Variants in GRM7 observed in about 807,000 individuals in gnomAD.
The protein encoded by GRM7 is metabotropic glutamate receptor 7.
GRM7 carries 35 observed loss-of-function variants against 84.5 expected under a neutral mutation model. That is an observed-to-expected ratio of 0.41 (90% CI 0.32 to 0.55). GRM7 has a LOEUF of 0.55. Among genes scored for constraint, GRM7 ranks in the 20% least tolerant of loss-of-function variants. The pLI is 0.19. For synonymous variants in GRM7, 487 were observed against 455.1 expected (o/e 1.07, Z -0.89); for missense variants, 1,003 against 1,194.6 (o/e 0.84, Z 2.36).
At chr3:7,566,801 G>A (rs570025704) in intron 7 of GRM7, among the ~76,000 whole-genome samples, 14 of 152,128 alleles carry the variant, frequency 9.2e-5, no homozygotes, top group Admixed American at 4.6e-4. Context: ...TTCTTCCAGG[G>A]GGAAAAAAAA....
chr3:7,440,050 C>G lies in GRM7; in HGVS notation c.1175-12557C>G, dbSNP rs35398044. ...CAGAGAGCACAAAGTATTTGGAAAG[C>G]TGGAGGGAGCTGGTTGTTAAACAAT... is the stretch of plus-strand genomic sequence containing the variant. On this transcript the variant is annotated intron_variant, in intron 5 of 9. Transcript: ENST00000357716. Among the ~76,000 whole-genome samples, 5 of 152,078 alleles carry G rather than the reference C, an allele frequency of 3.3e-5. No individual in the cohort carries two copies. The East Asian group carries it at 9.7e-4, about 29-fold the overall frequency.
intron 2 of GRM7, among the ~76,000 whole-genome samples, chr3:7,205,729 G>C (rs1194181902): frequency 6.6e-6 from 1 of 152,168 alleles, no homozygotes; most frequent in Non-Finnish European, 1.5e-5. Flanking sequence ...ACACCCAGAC[G>C]TGAATGCAGA....
chr3:7,492,031 G>C (rs974781227), intron 7 of GRM7, among the ~76,000 whole-genome samples: 1 of 152,118 alleles, frequency 6.6e-6, no homozygotes, highest in Non-Finnish European at 1.5e-5. Context: ...TTTTAATGCT[G>C]AACCAGCCTT....
intron 5 of GRM7, among the ~76,000 whole-genome samples, chr3:7,428,350 C>T (rs1406586982): frequency 2.0e-5 from 3 of 152,198 alleles, no homozygotes; most frequent in African/African-American, 7.2e-5. Context: ...GAGTGCCTAA[C>T]TGTGGCTCAA....
At chr3:7,704,335 TAA>T (rs968178578) in intron 9 of GRM7, among the ~76,000 whole-genome samples, 1 of 152,186 alleles carries the variant, frequency 6.6e-6, no homozygotes, top group Non-Finnish European at 1.5e-5. Context: ...AAAAGAGTTA[TAA>T]AAAAATTCCT....
rs781371497 is a variant in GRM7, at chr3:7,452,736, G to A, written c.1304G>A (p.Gly435Asp). 1 of 1,613,086 alleles carries A rather than the reference G, an allele frequency of 6.2e-7. No homozygotes were observed. The highest frequency in any genetic ancestry group is 1.1e-5 in the South Asian group (1 of 91,056). The change falls in exon 6 of 10, where the codon GGT (glycine) becomes GAT (aspartate). Residue 435 changes from glycine to aspartate, a missense_variant. Transcript: ENST00000357716. ...AAGGATCTCTGTGCTGACTACCGGG[G>A]TGTCTGCCCAGAGATGGAGCAAGCT... ...MNKDLCADYR[G>D]VCPEMEQAGG... is the part of the protein sequence containing the mutation.
At chr3:7,415,896 T>A (rs999290381) in intron 5 of GRM7, among the ~76,000 whole-genome samples, 2 of 152,156 alleles carry the variant, frequency 1.3e-5, no homozygotes, top group South Asian at 4.1e-4. Flanking sequence ...CTGTAATCCA[T>A]GTTCTGAGTG....
At chr3:7,584,878 A>G (rs1462014478) in intron 8 of GRM7, among the ~76,000 whole-genome samples, 1 of 152,180 alleles carries the variant, frequency 6.6e-6, no homozygotes, top group African/African-American at 2.4e-5. Flanking sequence ...AACATTGCCG[A>G]CTATTTAATC....
At chr3:7,295,044 A>G (rs558327296) in intron 2 of GRM7, among the ~76,000 whole-genome samples, 1 of 152,226 alleles carries the variant, frequency 6.6e-6, no homozygotes, top group South Asian at 2.1e-4. Context: ...TTCTTTATAG[A>G]TTGTACTTTG....
At chr3:6,912,608 GT>G (rs2125019325) in intron 1 of GRM7, among the ~76,000 whole-genome samples, 1 of 152,218 alleles carries the variant, frequency 6.6e-6, no homozygotes, top group East Asian at 1.9e-4. Flanking sequence ...ATGCTTTTCT[GT>G]TAGGAAGCTT....
Position 7,642,324 on chromosome 3 carries a change from A to C in GRM7, c.2452-37725A>C, listed in dbSNP as rs1280309779. On this transcript the variant is annotated intron_variant, in intron 8 of 9. Transcript: ENST00000357716. ...GTATTTGCCTTTTATTTTCCTAAGA[A>C]TCTCAAAAAAAAAGTGGTAGAGGGA... Among the ~76,000 whole-genome samples, 74 of 152,248 alleles carry C rather than the reference A, an allele frequency of 4.9e-4. 1 individual carries two copies. The highest frequency in any genetic ancestry group is 4.7e-3 in the Admixed American group (72 of 15,292).
chr3:7,667,858 G>A (rs1263126472), intron 8 of GRM7, among the ~76,000 whole-genome samples: 31 of 105,680 alleles, frequency 2.9e-4, no homozygotes, highest in South Asian at 9.3e-4. Flanking sequence ...GCAGATTTAT[G>A]TCAAAAAAAA....
At chr3:7,558,945 G>A (rs1693888774) in intron 7 of GRM7, among the ~76,000 whole-genome samples, 1 of 152,062 alleles carries the variant, frequency 6.6e-6, no homozygotes, top group Admixed American at 6.6e-5. Flanking sequence ...AGCATAACCA[G>A]CAAAGTGGCT....
chr3:7,169,376 G>T (rs1694909540), intron 2 of GRM7, among the ~76,000 whole-genome samples: 1 of 152,160 alleles, frequency 6.6e-6, no homozygotes, highest in Non-Finnish European at 1.5e-5. Flanking sequence ...AGCTAATCCT[G>T]TAGTGCTAAG....
In GRM7 at chr3:7,239,642, G is replaced by T. The variant is rs553264421; in HGVS notation, c.737-59042G>T. On this transcript the variant is annotated intron_variant, in intron 2 of 9. Coordinates refer to ENST00000357716, the MANE Select transcript of GRM7 (RefSeq NM_000844.4). The stretch of plus-strand genomic sequence containing the variant: ...AAAGCAGATGGCTCTTCCTAACGTG[G>T]GTGGGCATCATCCAGTCTATTAAAG... 1.4e-4 allele frequency among the ~76,000 whole-genome samples: 22 copies of T among 152,220 alleles called. No individual in the cohort carries two copies. The South Asian group carries it at 4.1e-3, about 29-fold the overall frequency.
intron 2 of GRM7, among the ~76,000 whole-genome samples, chr3:7,231,331 G>T (rs553310647): frequency 6.6e-6 from 1 of 152,254 alleles, no homozygotes; most frequent in Admixed American, 6.5e-5. Flanking sequence ...TGATAGTGAG[G>T]TGTTGGCATT....
intron 1 of GRM7, among the ~76,000 whole-genome samples, chr3:7,013,489 C>T (rs537858154): frequency 4.9e-4 from 75 of 152,136 alleles, no homozygotes; most frequent in Non-Finnish European, 8.8e-4. Flanking sequence ...GAAAAAACAA[C>T]AAGCAAAACA....
intron 1 of GRM7, among the ~76,000 whole-genome samples, chr3:7,080,552 A>G (rs78727692): frequency 0.048 from 7,258 of 152,090 alleles, 344 homozygotes; most frequent in African/African-American, 0.12. Context: ...TCCCAAATCT[A>G]GCACAATGCC....
At chr3:7,313,160 C>A (rs1033992562) in intron 4 of GRM7, among the ~76,000 whole-genome samples, 1 of 151,952 alleles carries the variant, frequency 6.6e-6, no homozygotes, top group Non-Finnish European at 1.5e-5. Flanking sequence ...AACTCCTGAC[C>A]TCAGGCAATC....
Sources: allele counts gnomAD v4.1 joint callset (sites outside exome capture counted in the v4.1 genomes callset), GRCh38; gene constraint gnomAD v4.1.1; transcripts MANE v1.5; gene names NCBI Gene and HGNC (gene_info 2026-07-23, HGNC 2026-07-21).